The following LARP1B variants were observed in gnomAD, a reference collection of about 807,000 sequenced individuals.
LARP1B encodes the protein La ribonucleoprotein 1B.
In LARP1B, 76 loss-of-function variants were observed where a neutral mutation model predicts 114.2. That is an observed-to-expected ratio of 0.67 (90% confidence interval 0.55 to 0.81). The LOEUF (loss-of-function observed/expected upper bound fraction) is 0.81. Ranked by LOEUF, LARP1B falls within the 30% of genes least tolerant of loss-of-function variation. The pLI is 0.00. For synonymous variants in LARP1B, 345 were observed against 348.0 expected, an observed-to-expected ratio of 0.99 and a Z score of 0.10; for missense variants, 1,014 against 1,075.8, an observed-to-expected ratio of 0.94 and a Z score of 0.80.
At chr4:128,166,778 C>CT (rs557503782) in intron 12 of LARP1B, among the ~76,000 whole-genome samples, 43 of 147,148 alleles carry the variant, frequency 2.9e-4, no homozygotes, top group African/African-American at 6.2e-4. Flanking sequence ...CATCTATATA[C>CT]TTTTTTTTTT....
chr4:128,091,886 C>G (rs936437773), intron 7 of LARP1B, among the ~76,000 whole-genome samples: 2 of 152,150 alleles, frequency 1.3e-5, no homozygotes. Context: ...CGTGAGCCAC[C>G]ATGCCTGGCT....
intron 5 of LARP1B, among the ~76,000 whole-genome samples, chr4:128,082,740 A>G (rs866612457): frequency 2.6e-5 from 4 of 150,998 alleles, no homozygotes; most frequent in Non-Finnish European, 1.5e-5. Flanking sequence ...ATGTTTCCTT[A>G]TGATTGGATT....
chr4:128,207,566 C>T (rs189818025), intron 19 of LARP1B, among the ~76,000 whole-genome samples, 183 bp downstream of exon 19: 8 of 152,266 alleles, frequency 5.3e-5, no homozygotes, highest in African/African-American at 1.4e-4. Flanking sequence ...ACTCAGATTT[C>T]GCAAATGTTA....
At chr4:128,140,300 GCTGA>G (rs931152719) in intron 11 of LARP1B, among the ~76,000 whole-genome samples, 14 of 152,140 alleles carry the variant, frequency 9.2e-5, no homozygotes, top group Non-Finnish European at 1.8e-4. Flanking sequence ...TCTATCAGTA[GCTGA>G]CTATGTCATC....
chr4:128,080,173 G>A (rs550961796), intron 4 of LARP1B, among the ~76,000 whole-genome samples: 2 of 151,492 alleles, frequency 1.3e-5, no homozygotes, highest in East Asian at 3.9e-4. Flanking sequence ...TAGTAGAGAC[G>A]GGTTTCTCCA....
At chr4:128,155,712 C>T in intron 11 of LARP1B, 2 of 1,607,462 alleles carry the variant, frequency 1.2e-6, no homozygotes, top group Non-Finnish European at 1.7e-6. Flanking sequence ...AGGAGCGCCG[C>T]CGAGTAAGGC....
downstream of LARP1B, among the ~76,000 whole-genome samples, chr4:128,212,563 C>A (rs145452316): frequency 0.013 from 2,018 of 152,168 alleles, 41 homozygotes; most frequent in African/African-American, 0.045. Flanking sequence ...AGGAGAATCG[C>A]TTGAACCCAA....
At chr4:128,153,781 G>A (rs1734072768) in intron 11 of LARP1B, among the ~76,000 whole-genome samples, 1 of 152,048 alleles carries the variant, frequency 6.6e-6, no homozygotes, top group Admixed American at 6.6e-5. Flanking sequence ...ATTACCGGTA[G>A]CCTACTAAAT....
intron 6 of LARP1B, chr4:128,220,342 T>G: frequency 1.1e-6 from 1 of 938,906 alleles, no homozygotes; most frequent in Non-Finnish European, 1.3e-6. Flanking sequence ...ATTTTTATTT[T>G]ATTCTTGCAT....
chr4:128,130,055 G>C (rs1791075507), intron 11 of LARP1B, among the ~76,000 whole-genome samples: 1 of 152,132 alleles, frequency 6.6e-6, no homozygotes, highest in Admixed American at 6.6e-5. Flanking sequence ...ATACTGTCAA[G>C]AGAATGAGGA....
downstream of LARP1B, among the ~76,000 whole-genome samples, chr4:128,214,437 A>G (rs2150980730): frequency 6.6e-6 from 1 of 150,496 alleles, no homozygotes; most frequent in Admixed American, 6.6e-5. Flanking sequence ...TGGTTCTCCC[A>G]GCACGCAGCT....
At chr4:128,093,147 A>G (rs1580223447) in intron 7 of LARP1B, 1 of 471,670 alleles carries the variant, frequency 2.1e-6, no homozygotes, top group African/African-American at 2.1e-5. Context: ...TTAGTAGAGC[A>G]CTAGGTTTAG....
At chr4:128,121,380 C>G (rs182180210) in intron 10 of LARP1B, among the ~76,000 whole-genome samples, 2 of 152,048 alleles carry the variant, frequency 1.3e-5, no homozygotes, top group African/African-American at 4.8e-5. Flanking sequence ...CGCAATGGCG[C>G]GATCTTGGCT....
At chr4:128,156,473 G>A (rs1443504136) in intron 11 of LARP1B, among the ~76,000 whole-genome samples, 1 of 152,128 alleles carries the variant, frequency 6.6e-6, no homozygotes, top group Non-Finnish European at 1.5e-5. Flanking sequence ...GAGGAATCCT[G>A]GAAGCCCAGA....
intron 1 of LARP1B, among the ~76,000 whole-genome samples, chr4:128,063,049 T>TA (rs1019454928): frequency 6.6e-6 from 1 of 152,202 alleles, no homozygotes; most frequent in African/African-American, 2.4e-5. Context: ...TTAGAGGAGA[T>TA]AAGATTATGC....
At chr4:128,163,044 CAG>C (rs1040008651) in intron 12 of LARP1B, among the ~76,000 whole-genome samples, 2 of 152,078 alleles carry the variant, frequency 1.3e-5, no homozygotes, top group Non-Finnish European at 2.9e-5. Context: ...CTAAAATTAA[CAG>C]TAATTCCTTA....
intron 12 of LARP1B, among the ~76,000 whole-genome samples, chr4:128,166,181 ATCTC>A (rs1740729862): frequency 6.6e-6 from 1 of 152,020 alleles, no homozygotes; most frequent in Non-Finnish European, 1.5e-5. Flanking sequence ...AGACTTCCAC[ATCTC>A]TAAATATTAC....
chr4:128,122,448 T>G (rs760169778), intron 11 of LARP1B: 23 of 1,512,522 alleles, frequency 1.5e-5, no homozygotes, highest in Non-Finnish European at 1.9e-5. Context: ...GTTTTTTTTT[T>G]TTTTTGTTTT....
chr4:128,184,998 A>G (rs1749809933), intron 15 of LARP1B, among the ~76,000 whole-genome samples: 1 of 152,182 alleles, frequency 6.6e-6, no homozygotes, highest in South Asian at 2.1e-4. Context: ...ATATTTACAC[A>G]TATATACATA....
Sources: allele counts gnomAD v4.1 joint callset (sites outside exome capture counted in the v4.1 genomes callset), GRCh38; gene constraint gnomAD v4.1.1; transcripts MANE v1.5; gene names NCBI Gene and HGNC (gene_info 2026-07-23, HGNC 2026-07-21).